The following HDLBP variants were observed in gnomAD, a reference collection of about 807,000 sequenced individuals.
HDLBP encodes high density lipoprotein binding protein.
In HDLBP, 30 loss-of-function variants were observed where a neutral mutation model predicts 137.3. That is an observed-to-expected ratio of 0.22 (90% confidence interval 0.16 to 0.30). The LOEUF is 0.30. HDLBP is among the 10% of genes least tolerant of loss of function. The pLI, the probability that HDLBP is intolerant of heterozygous loss-of-function variation, is 1.00. For missense variants in HDLBP, 1,119 were observed against 1,667.3 expected, an observed-to-expected ratio of 0.67 and a Z score of 5.73; for synonymous variants, 606 against 596.0, an observed-to-expected ratio of 1.02 and a Z score of -0.24.
intron 1 of HDLBP, among the ~76,000 whole-genome samples, chr2:241,300,976 AT>A (rs1301930158): frequency 6.7e-6 from 1 of 148,508 alleles, no homozygotes; most frequent in Non-Finnish European, 1.5e-5. Flanking sequence ...TATTATTATT[AT>A]TATTATTATT....
intron 1 of HDLBP, among the ~76,000 whole-genome samples, chr2:241,286,654 C>T (rs886733127): frequency 6.6e-6 from 1 of 152,178 alleles, no homozygotes; most frequent in African/African-American, 2.4e-5. Flanking sequence ...ATCAGGACCT[C>T]CTGAGGCTGG....
Position 241,256,179 on chromosome 2 carries a change from T to C in HDLBP, c.873+5A>G, listed in dbSNP as rs2072599453. The C allele has an allele frequency of 1.9e-6, 3 of 1,612,948 alleles. No homozygotes were observed. ...ATGGGGATTTGCCTCCTCTAAATCG[T>C]GTACCTTCTCCTCATAAATCTTCTT... is the stretch of plus-strand genomic sequence containing the variant. On this transcript the variant is annotated splice_donor_5th_base_variant and intron_variant, in intron 7 of 27. Coordinates refer to ENST00000310931, the MANE Select transcript of HDLBP (RefSeq NM_005336.6).
At chr2:241,269,673 G>A (rs2073917720) in intron 1 of HDLBP, 1 of 152,174 alleles carries the variant, frequency 6.6e-6, no homozygotes, top group Non-Finnish European at 1.5e-5. Flanking sequence ...CCATTTAAAA[G>A]CATCACCAAA....
intron 1 of HDLBP, among the ~76,000 whole-genome samples, chr2:241,303,242 C>G (rs1187505966): frequency 1.3e-5 from 2 of 152,186 alleles, no homozygotes; most frequent in East Asian, 1.9e-4. Flanking sequence ...CCAGGAAGAG[C>G]TGCGTCCTGC....
chr2:241,314,180 A>G (rs1414175018), intron 1 of HDLBP, among the ~76,000 whole-genome samples: 1 of 152,020 alleles, frequency 6.6e-6, no homozygotes, highest in East Asian at 1.9e-4. Flanking sequence ...ATTTTTAAAT[A>G]CTGTTGCCAA....
At chr2:241,244,107 A>G (rs2071490806) in intron 16 of HDLBP, among the ~76,000 whole-genome samples, 1 of 152,232 alleles carries the variant, frequency 6.6e-6, no homozygotes. Flanking sequence ...TGAAAATGAT[A>G]TTAGATGAAA....
intron 1 of HDLBP, among the ~76,000 whole-genome samples, chr2:241,297,755 A>T (rs1419668583): frequency 6.6e-6 from 1 of 152,122 alleles, no homozygotes; most frequent in Non-Finnish European, 1.5e-5. Context: ...GAAGAGAAAG[A>T]GACAGAGAAT....
chr2:241,282,468 A>G (rs928346409), intron 1 of HDLBP, among the ~76,000 whole-genome samples: 15 of 152,040 alleles, frequency 9.9e-5, no homozygotes, highest in African/African-American at 3.6e-4. Flanking sequence ...AACACTTCCT[A>G]CTTCTAAGAA....
Position 241,247,086 on chromosome 2 carries a change from G to A in HDLBP, c.1788C>T (p.Ile596=), listed in dbSNP as rs2071741704. The A allele has an allele frequency of 1.2e-6, 2 of 1,613,232 alleles. No individual in the cohort carries two copies. The highest frequency in any genetic ancestry group is 8.5e-7 in the Non-Finnish European group (1 of 1,179,182). ...TAATGTTTGCGCCTCCTTTCCCAAT[G>A]ATATTCTTGTGAAACTGTTTGAAGA... ...VPIFKQFHKN[I]IGKGGANIKK... Residue 596 remains isoleucine (I), a synonymous_variant, in exon 15 of 28, where the codon ATC becomes ATT. Transcript: ENST00000310931.
At chr2:241,284,594 G>A (rs2074735667) in intron 1 of HDLBP, among the ~76,000 whole-genome samples, 1 of 152,202 alleles carries the variant, frequency 6.6e-6, no homozygotes, top group South Asian at 2.1e-4. Flanking sequence ...ATAAAGCAAT[G>A]GCAGTGTTTG....
chr2:241,299,913 TCAAA>T (rs10636971), intron 1 of HDLBP, among the ~76,000 whole-genome samples: 5 of 151,158 alleles, frequency 3.3e-5, no homozygotes, highest in African/African-American at 1.2e-4. Context: ...AGATTCCGTC[TCAAA>T]CAAACAAAAA....
chr2:241,231,615 A>G (rs1032904313), intron 24 of HDLBP, among the ~76,000 whole-genome samples: 20 of 152,260 alleles, frequency 1.3e-4, no homozygotes, highest in East Asian at 1.9e-4. Context: ...CGTGGGCCAC[A>G]GTCTGGAGGC....
chr2:241,238,544 T>C lies in HDLBP; in HGVS notation c.2749+105A>G, dbSNP rs918534398. On this transcript the variant is annotated intron_variant, in intron 20 of 27. Coordinates refer to ENST00000310931, the MANE Select transcript of HDLBP (RefSeq NM_005336.6). The surrounding 1 kb of genome is among the most constrained non-coding windows in gnomAD (Gnocchi z 4.9). ...AGCCCCCAGAATACATAGATGGTTT[T>C]CCAGCAGAGACAGGAAAGAGCCTCA... is the stretch of plus-strand genomic sequence containing the variant. The C allele has an allele frequency of 9.6e-5, 91 of 943,566 alleles. No homozygotes were observed. Among genetic ancestry groups the C allele is most frequent in the Non-Finnish European group, 1.2e-4 (77 of 662,294 alleles). 58.4% of individuals were successfully genotyped at this position (943,566 alleles called of 1,614,324 possible). A position where few individuals can be genotyped will look rare whatever the true frequency, so the allele number is the denominator to read the frequency against.
At chr2:241,234,055 G>GC in intron 23 of HDLBP, 92 bp from the exon 24 acceptor site, 1 of 1,433,600 alleles carries the variant, frequency 7.0e-7, no homozygotes, top group Non-Finnish European at 9.7e-7. Flanking sequence ...GGACACTGGA[G>GC]ATGCTGCAGT....
intron 23 of HDLBP, among the ~76,000 whole-genome samples, chr2:241,234,706 G>C (rs1420382092): frequency 2.0e-5 from 3 of 152,156 alleles, no homozygotes; most frequent in Non-Finnish European, 4.4e-5. Flanking sequence ...AGGTTGGGGG[G>C]GTTTCATCCC....
chr2:241,264,920 G>A (rs2073534673), intron 3 of HDLBP, among the ~76,000 whole-genome samples: 1 of 152,194 alleles, frequency 6.6e-6, no homozygotes, highest in Non-Finnish European at 1.5e-5. Context: ...CTAACGGGGT[G>A]AGTCCCTTGA....
chr2:241,258,750 T>C (rs78119214), intron 5 of HDLBP, among the ~76,000 whole-genome samples: 1,530 of 152,300 alleles, frequency 0.01, 11 homozygotes, highest in Non-Finnish European at 0.014. Context: ...GTGGCCCTTA[T>C]ATATTGAAAA....
Position 241,273,423 on chromosome 2 carries a change from T to C in HDLBP, c.-102-4882A>G, listed in dbSNP as rs186306727. On this transcript the variant is annotated intron_variant, in intron 1 of 27. Coordinates refer to ENST00000310931, the MANE Select transcript of HDLBP (RefSeq NM_005336.6). Reference sequence around the variant, plus strand: ...ATGGCTCCATCTCTACATAGATGTATACACGCAAAAGAACCGGTGTGTGGC... The same window carrying C: ...ATGGCTCCATCTCTACATAGATGTACACACGCAAAAGAACCGGTGTGTGGC... 8.5e-5 allele frequency among the ~76,000 whole-genome samples: 13 copies of C among 152,208 alleles called. No individual in the cohort carries two copies. The East Asian group carries it at 1.9e-3, about 23-fold the overall frequency.
intron 1 of HDLBP, among the ~76,000 whole-genome samples, chr2:241,304,785 C>T (rs542436350): frequency 6.6e-6 from 1 of 152,190 alleles, no homozygotes; most frequent in Middle Eastern, 3.2e-3. Flanking sequence ...TGACCCTGAG[C>T]TTTAGAGAAG....
Sources: gnomAD v4.1 joint callset for allele counts (sites outside exome capture counted in the v4.1 genomes callset) on GRCh38, gnomAD v4.1.1 for gene constraint, Gnocchi (gnomAD v3.1) non-coding constraint, MANE v1.5 for transcripts, NCBI Gene and HGNC (gene_info 2026-07-23, HGNC 2026-07-21) for gene names.